LINGO2: variants seen among roughly 807,000 people sequenced by gnomAD.
LINGO2 encodes the protein leucine-rich repeat and immunoglobulin-like domain-containing nogo receptor-interacting protein 2.
Under a neutral mutation model 30.6 loss-of-function variants are expected in LINGO2, and 14 were observed. That is an observed-to-expected ratio of 0.46 (90% CI 0.30 to 0.72). The LOEUF is 0.72. Among genes scored for constraint, LINGO2 ranks in the 30% least tolerant of loss-of-function variants. LINGO2 has a pLI of 0.07. For synonymous variants in LINGO2, 317 were observed against 288.5 expected, an observed-to-expected ratio of 1.10 and a Z score of -1.00; for missense variants, 729 against 751.7, an observed-to-expected ratio of 0.97 and a Z score of 0.35.
At chr9:28,658,748 A>G (rs1466836285) in intron 1 of LINGO2, among the ~76,000 whole-genome samples, 6 of 152,056 alleles carry the variant, frequency 3.9e-5, no homozygotes, top group Admixed American at 3.9e-4. Flanking sequence ...GTTTTGAACC[A>G]CTGTATTTTG....
intron 4 of LINGO2, among the ~76,000 whole-genome samples, chr9:28,041,809 T>TA (rs1824208117): frequency 6.6e-6 from 1 of 152,172 alleles, no homozygotes; most frequent in Non-Finnish European, 1.5e-5. Context: ...CATACAAATT[T>TA]ATAGTTATAA....
intron 1 of LINGO2, among the ~76,000 whole-genome samples, chr9:28,610,331 A>C (rs1485989865): frequency 1.7e-5 from 2 of 120,686 alleles, no homozygotes; most frequent in African/African-American, 7.1e-5. Flanking sequence ...CTGTGTTTTG[A>C]AAACTGAAAA....
chr9:28,717,971 C>T, the LINGO2 span, among the ~76,000 whole-genome samples: 11 of 151,910 alleles, frequency 7.2e-5, no homozygotes, highest in South Asian at 8.3e-4. Flanking sequence ...AAGAAGCCAG[C>T]GATACAGTTA....
chr9:29,046,116 A>T, the LINGO2 span, among the ~76,000 whole-genome samples: 1 of 152,090 alleles, frequency 6.6e-6, no homozygotes, highest in Non-Finnish European at 1.5e-5. Flanking sequence ...TCCTATTTGG[A>T]TGCCTTTTCT....
At chr9:29,142,290 T>C in the LINGO2 span, among the ~76,000 whole-genome samples, 1 of 151,704 alleles carries the variant, frequency 6.6e-6, no homozygotes. Context: ...AATTAGACAA[T>C]ATACTTCTGA....
chr9:28,557,467 G>C (rs550053683), intron 1 of LINGO2, among the ~76,000 whole-genome samples: 51 of 152,126 alleles, frequency 3.4e-4, no homozygotes, highest in African/African-American at 1.2e-3. Flanking sequence ...ACACCAGTTA[G>C]AATGGCGATC....
At chr9:28,220,752 C>T (rs550271038) in intron 4 of LINGO2, among the ~76,000 whole-genome samples, 70 of 152,152 alleles carry the variant, frequency 4.6e-4, no homozygotes, top group African/African-American at 1.7e-3. Context: ...AAATGCCTAC[C>T]ATCGGTCTCC....
chr9:28,981,286 G>C, the LINGO2 span, among the ~76,000 whole-genome samples: 1 of 152,078 alleles, frequency 6.6e-6, no homozygotes, highest in African/African-American at 2.4e-5. Flanking sequence ...TACTGGCAGA[G>C]TCTGATCTCA....
the LINGO2 span, among the ~76,000 whole-genome samples, chr9:29,047,489 G>T: frequency 6.6e-6 from 1 of 152,068 alleles, no homozygotes; most frequent in African/African-American, 2.4e-5. Context: ...CATAATAAAA[G>T]CCATATAGGA....
At chr9:28,813,458 T>C in the LINGO2 span, among the ~76,000 whole-genome samples, 1 of 152,212 alleles carries the variant, frequency 6.6e-6, no homozygotes, top group Non-Finnish European at 1.5e-5. Context: ...CAGACTGCAG[T>C]TGACCATGGG....
chr9:28,099,110 A>G (rs986123546), intron 4 of LINGO2, among the ~76,000 whole-genome samples: 6 of 152,164 alleles, frequency 3.9e-5, no homozygotes, highest in Non-Finnish European at 5.9e-5. Context: ...CAATAACATT[A>G]GTATTACTAG....
At chr9:29,160,038 T>C in the LINGO2 span, among the ~76,000 whole-genome samples, 2 of 152,196 alleles carry the variant, frequency 1.3e-5, no homozygotes, top group Non-Finnish European at 2.9e-5. Context: ...GAATCTGGTG[T>C]TGAATTTAGA....
At chr9:28,921,983 G>C in the LINGO2 span, among the ~76,000 whole-genome samples, 1 of 152,132 alleles carries the variant, frequency 6.6e-6, no homozygotes, top group Non-Finnish European at 1.5e-5. Flanking sequence ...ATGTAGATCA[G>C]TCTCTAGGTT....
chr9:28,301,368 AAAAAAAAAC>A (rs905574197), intron 3 of LINGO2, among the ~76,000 whole-genome samples: 15 of 152,062 alleles, frequency 9.9e-5, no homozygotes, highest in African/African-American at 2.9e-4. Flanking sequence ...CAAGTTAAAA[AAAAAAAAAC>A]AAAAAAAACA....
the LINGO2 span, among the ~76,000 whole-genome samples, chr9:28,881,850 C>T: frequency 9.1e-3 from 1,386 of 152,308 alleles, 30 homozygotes; most frequent in African/African-American, 0.032. Flanking sequence ...TTCCCCACCA[C>T]GTGTCCATGT....
the LINGO2 span, among the ~76,000 whole-genome samples, chr9:29,076,777 A>G: frequency 7.9e-5 from 12 of 151,914 alleles, no homozygotes; most frequent in African/African-American, 2.9e-4. Context: ...TACCTTGGAC[A>G]AGCCACTTAA....
At chr9:28,754,368 T>G in the LINGO2 span, among the ~76,000 whole-genome samples, 2 of 152,108 alleles carry the variant, frequency 1.3e-5, no homozygotes, top group Non-Finnish European at 2.9e-5. Context: ...CTAGCTTTTC[T>G]GAGGACAGAA....
chr9:28,051,282 C>G (rs1269752263), intron 4 of LINGO2, among the ~76,000 whole-genome samples: 2 of 152,028 alleles, frequency 1.3e-5, no homozygotes, highest in African/African-American at 4.8e-5. Context: ...AGTATTGGGT[C>G]AAGTTCATAA....
At chr9:28,567,752 A>G (rs767602564) in intron 1 of LINGO2, among the ~76,000 whole-genome samples, 1 of 151,958 alleles carries the variant, frequency 6.6e-6, no homozygotes, top group Non-Finnish European at 1.5e-5. Context: ...GCATTATACA[A>G]TATACTTATG....
Sources: gnomAD v4.1 joint callset for allele counts (sites outside exome capture counted in the v4.1 genomes callset) on GRCh38, gnomAD v4.1.1 for gene constraint, MANE v1.5 for transcripts, NCBI Gene and HGNC (gene_info 2026-07-23, HGNC 2026-07-21) for gene names.